ACBD5: variants seen among roughly 807,000 people sequenced by gnomAD.
ACBD5 encodes the protein acyl-CoA-binding domain-containing protein 5.
Under a neutral mutation model 71.8 loss-of-function variants are expected in ACBD5, and 40 were observed. The observed-to-expected ratio is 0.56, with a 90% CI of 0.43 to 0.72. ACBD5 has a LOEUF of 0.72. Among genes scored for constraint, ACBD5 ranks in the 30% least tolerant of loss-of-function variants. The pLI, the probability that ACBD5 is intolerant of heterozygous loss-of-function variation, is 0.00. For synonymous variants in ACBD5, 229 were observed against 218.6 expected, an observed-to-expected ratio of 1.05 and a Z score of -0.42; for missense variants, 559 against 644.5, an observed-to-expected ratio of 0.87 and a Z score of 1.44.
Position 27,208,448 on chromosome 10 carries a change from A to AT in ACBD5, c.1205-4dup. Reference sequence around the variant, plus strand: ...GCTCAAGTGTTGCATCCTATGTCCTATTTTAAGAGGCAAAAATAAGCTTGT... The same window carrying AT: ...GCTCAAGTGTTGCATCCTATGTCCTATTTTTAAGAGGCAAAAATAAGCTTGT... On this transcript the variant is annotated splice_region_variant and splice_polypyrimidine_tract_variant and intron_variant, in intron 9 of 12. Transcript: ENST00000396271. 6.2e-7 allele frequency: 1 copy of AT among 1,613,496 alleles called. No individual in the cohort carries two copies.
At chr10:27,230,344 CAAAT>C (rs1197894748) in intron 4 of ACBD5, among the ~76,000 whole-genome samples, 5 of 151,216 alleles carry the variant, frequency 3.3e-5, no homozygotes, top group Non-Finnish European at 7.4e-5. Context: ...CTAGTAATAA[CAAAT>C]AAAAATTACT....
In ACBD5 at chr10:27,227,866, C is replaced by T. The variant is rs112351009; in HGVS notation, c.375+3882G>A. On this transcript the variant is annotated intron_variant, in intron 4 of 12. Transcript: ENST00000396271. ...TAGCTGAGATTACAAGCGCCCGCCA[C>T]CACGCCCAGCTAAATTTTTGTATTT... 2.0e-5 allele frequency among the ~76,000 whole-genome samples: 3 copies of T among 151,986 alleles called. No homozygotes were observed. The South Asian group carries it at 6.2e-4, about 32-fold the overall frequency.
chr10:27,218,584 C>G (rs912021241), intron 6 of ACBD5, among the ~76,000 whole-genome samples: 51 of 96,764 alleles, frequency 5.3e-4, no homozygotes, highest in Admixed American at 1.7e-3. Flanking sequence ...AACTAAGTTA[C>G]ACAGTTTTTT....
rs941102202 is a variant in ACBD5, at chr10:27,197,263, T to C, written c.*167A>G. On this transcript the variant is annotated 3_prime_UTR_variant, in exon 13 of 13. Transcript: ENST00000396271. ...TATTAGTCCTTAAAATGTTATCGTT[T>C]GTGTAGTGCAAAATATATATGTGTA... The C allele has an allele frequency of 2.8e-6, 2 of 713,606 alleles. No individual in the cohort carries two copies. Among genetic ancestry groups the C allele is most frequent in the Non-Finnish European group, 5.2e-6 (2 of 387,584 alleles). 44.2% of individuals were successfully genotyped at this position (713,606 alleles called of 1,614,324 possible).
In ACBD5 at chr10:27,195,274, C is replaced by A. The variant is rs1475262348; in HGVS notation, c.*2156G>T. ...TTACAATAAACAGAAAAGAAGTTATCATTAAAAAAATACCATAGCTGTCAA... is the reference window on the plus strand; with the variant it reads ...TTACAATAAACAGAAAAGAAGTTATAATTAAAAAAATACCATAGCTGTCAA... On this transcript the variant is annotated 3_prime_UTR_variant, in exon 13 of 13. Coordinates refer to ENST00000396271, the MANE Select transcript of ACBD5 (RefSeq NM_145698.5). 4.7e-6 allele frequency: 2 copies of A among 427,978 alleles called. No homozygotes were observed. The highest frequency in any genetic ancestry group is 1.7e-5 in the South Asian group (1 of 58,262). The allele number at this position is 427,978 out of a possible 1,614,324, so 26.5% of individuals were successfully genotyped here.
chr10:27,211,516 T>A (rs2061075939), intron 8 of ACBD5, among the ~76,000 whole-genome samples: 1 of 152,142 alleles, frequency 6.6e-6, no homozygotes, highest in South Asian at 2.1e-4. Flanking sequence ...AGATGGGGTT[T>A]CACCATGTTG....
At chr10:27,242,042 G>A (rs756912840), upstream of ACBD5, 10 of 453,264 alleles carry the variant, frequency 2.2e-5, no homozygotes, top group Admixed American at 4.7e-5. Context: ...CCTCTGAGCC[G>A]CGGCGCCGGC....
At chr10:27,218,292 G>C in intron 6 of ACBD5, 109 bp from the exon 7 acceptor site, 1 of 913,898 alleles carries the variant, frequency 1.1e-6, no homozygotes, top group Non-Finnish European at 1.8e-6. Context: ...CAATCCCTTT[G>C]AAGGGTTTCC....
At chr10:27,185,852 G>A (rs2058695951) in intron 13 of ACBD5, among the ~76,000 whole-genome samples, 1 of 151,420 alleles carries the variant, frequency 6.6e-6, no homozygotes, top group African/African-American at 2.4e-5. Context: ...CACTTTGGAA[G>A]GCCAAGGTGG....
At chr10:27,200,495 A>G (rs2059808484) in intron 12 of ACBD5, among the ~76,000 whole-genome samples, 1 of 151,178 alleles carries the variant, frequency 6.6e-6, no homozygotes, top group Non-Finnish European at 1.5e-5. Context: ...CCCAGGCTGG[A>G]GTGCAGTGGC....
chr10:27,218,799 T>A (rs2061969110), intron 6 of ACBD5, among the ~76,000 whole-genome samples: 1 of 152,048 alleles, frequency 6.6e-6, no homozygotes, highest in Non-Finnish European at 1.5e-5. Context: ...TTGGTCAGGC[T>A]GGTCTCGAAC....
chr10:27,183,758 C>T (rs1302758594), intron 13 of ACBD5, among the ~76,000 whole-genome samples: 1 of 151,846 alleles, frequency 6.6e-6, no homozygotes, highest in African/African-American at 2.4e-5. Context: ...GGGTCTGTCG[C>T]CCAGGCTGGA....
At chr10:27,187,767 A>G (rs1026827138) in intron 13 of ACBD5, among the ~76,000 whole-genome samples, 6 of 147,456 alleles carry the variant, frequency 4.1e-5, no homozygotes, top group Non-Finnish European at 6.0e-5. Flanking sequence ...AAAAAAAAAT[A>G]CTACTGGAAC....
chr10:27,234,966 TA>T, intron 3 of ACBD5, 125 bp downstream of exon 3: 1 of 965,186 alleles, frequency 1.0e-6, no homozygotes, highest in Non-Finnish European at 1.5e-6. Flanking sequence ...ACCTGGAGGA[TA>T]AAAATTGTAC....
At chr10:27,220,190 G>C (rs572902712) in intron 5 of ACBD5, among the ~76,000 whole-genome samples, 1 of 152,220 alleles carries the variant, frequency 6.6e-6, no homozygotes, top group South Asian at 2.1e-4. Context: ...ATGCTAGGAT[G>C]CTGAAAACAA....
upstream of ACBD5, among the ~76,000 whole-genome samples, chr10:27,241,464 A>AG (rs1221027034): frequency 1.3e-5 from 2 of 152,118 alleles, no homozygotes; most frequent in Non-Finnish European, 2.9e-5. Flanking sequence ...AGGAGAGAGG[A>AG]GGTCGCCGGC....
chr10:27,214,911 C>T (rs2137224960), intron 8 of ACBD5, among the ~76,000 whole-genome samples: 1 of 152,246 alleles, frequency 6.6e-6, no homozygotes, highest in East Asian at 1.9e-4. Flanking sequence ...CGTCCATAAT[C>T]CCAGCACTTT....
At chr10:27,215,234 G>A (rs1270225132) in intron 8 of ACBD5, among the ~76,000 whole-genome samples, 1 of 151,846 alleles carries the variant, frequency 6.6e-6, no homozygotes, top group East Asian at 1.9e-4. Flanking sequence ...TCAAACATTG[G>A]GACTAGCATA....
downstream of ACBD5, among the ~76,000 whole-genome samples, chr10:27,194,301 G>A (rs2059210085): frequency 6.7e-6 from 1 of 148,840 alleles, no homozygotes. Context: ...CATAAGACCA[G>A]AGATGTGTAT....
Sources: gnomAD v4.1 joint callset for allele counts (sites outside exome capture counted in the v4.1 genomes callset) on GRCh38, gnomAD v4.1.1 for gene constraint, MANE v1.5 for transcripts, NCBI Gene and HGNC (gene_info 2026-07-23, HGNC 2026-07-21) for gene names.